SDK1: variants seen among roughly 807,000 people sequenced by gnomAD.
SDK1 encodes the protein protein sidekick-1.
SDK1 carries 157 observed loss-of-function variants against 245.5 expected under a neutral mutation model. The ratio of observed to expected loss-of-function variants is 0.64; its 90% CI spans 0.56 to 0.73. SDK1 has a LOEUF of 0.73. Among genes scored for constraint, SDK1 ranks in the 30% least tolerant of loss-of-function variants. The pLI is 0.00. For missense variants in SDK1, 3,583 were observed against 3,002.3 expected, an observed-to-expected ratio of 1.19 and a Z score of -4.52; for synonymous variants, 1,647 against 1,278.5, an observed-to-expected ratio of 1.29 and a Z score of -6.15.
At chr7:3,599,814 T>C (rs1314506483) in intron 1 of SDK1, among the ~76,000 whole-genome samples, 2 of 152,254 alleles carry the variant, frequency 1.3e-5, no homozygotes, top group Non-Finnish European at 2.9e-5. Context: ...GATCCCTCTA[T>C]GAATACCATA....
intron 4 of SDK1, among the ~76,000 whole-genome samples, chr7:3,657,376 C>G (rs1006192090): frequency 2.0e-5 from 3 of 152,150 alleles, no homozygotes; most frequent in Non-Finnish European, 4.4e-5. Context: ...AGGGAGGTAG[C>G]ATTCCCGGGT....
intron 1 of SDK1, among the ~76,000 whole-genome samples, chr7:3,306,678 T>A (rs1210998387): frequency 2.0e-5 from 3 of 152,144 alleles, no homozygotes; most frequent in Admixed American, 6.5e-5. Context: ...TGATATCAGG[T>A]AAGACTGTGT....
At chr7:3,998,874 T>C (rs1784870834) in intron 14 of SDK1, among the ~76,000 whole-genome samples, 1 of 152,212 alleles carries the variant, frequency 6.6e-6, no homozygotes, top group African/African-American at 2.4e-5. Flanking sequence ...AGCTTCCTTT[T>C]GCAAGTGTGC....
rs74835553 is a variant in SDK1 at position 3,652,179 on chromosome 7, C to T, written c.713+10074C>T. On this transcript the variant is annotated intron_variant, in intron 4 of 44. Coordinates refer to ENST00000404826, the MANE Select transcript of SDK1 (RefSeq NM_152744.4). ...ACTCTTTGGGCATTTTTCTTGTGAG[C>T]GGCTGCAGAGAAACCGCGCGTGTCT... 4.7e-4 allele frequency among the ~76,000 whole-genome samples: 72 copies of T among 152,268 alleles called. 2 individuals are homozygous for T. The East Asian group carries it at 0.011, about 22-fold the overall frequency.
At chr7:3,703,284 A>G (rs1410508132) in intron 4 of SDK1, among the ~76,000 whole-genome samples, 2 of 152,202 alleles carry the variant, frequency 1.3e-5, no homozygotes, top group Admixed American at 1.3e-4. Flanking sequence ...ACTCTGCATC[A>G]TAAAGGAGTG....
chr7:3,785,793 C>T (rs17324338), intron 4 of SDK1, among the ~76,000 whole-genome samples: 27,702 of 152,096 alleles, frequency 0.18, 3,159 homozygotes, highest in Non-Finnish European at 0.24. Context: ...TAAAAAGGTC[C>T]CAAGCATGAC....
chr7:3,458,984 T>G (rs73671830), intron 1 of SDK1, among the ~76,000 whole-genome samples: 5 of 152,292 alleles, frequency 3.3e-5, no homozygotes, highest in Admixed American at 6.5e-5. Flanking sequence ...ATGTAAAGTT[T>G]CCATGTAAAC....
chr7:3,890,078 G>A (rs1163563169), intron 5 of SDK1, among the ~76,000 whole-genome samples: 1 of 152,226 alleles, frequency 6.6e-6, no homozygotes, highest in Non-Finnish European at 1.5e-5. Context: ...GAGACCGTCT[G>A]TCCCTCATTT....
chr7:3,992,001 G>C lies in SDK1; in HGVS notation c.2131+4679G>C, dbSNP rs79669728. Among the ~76,000 whole-genome samples the C allele has an allele frequency of 3.6e-3, 547 of 152,350 alleles. 1 individual carries two copies. The highest frequency in any genetic ancestry group is 4.8e-3 in the Non-Finnish European group (328 of 68,030). On this transcript the variant is annotated intron_variant, in intron 14 of 44. Transcript: ENST00000404826. ...AAATTGCACTTGGCCTCCACTCAGC[G>C]TGTGCAAGTGGTCAGCACTAAATAG...
At chr7:3,682,954 G>C (rs1472543666) in intron 4 of SDK1, among the ~76,000 whole-genome samples, 1 of 152,034 alleles carries the variant, frequency 6.6e-6, no homozygotes, top group African/African-American at 2.4e-5. Context: ...GGCTGGTCTG[G>C]AACTCCTGAC....
chr7:3,737,630 G>A (rs914503737), intron 4 of SDK1, among the ~76,000 whole-genome samples: 14 of 152,306 alleles, frequency 9.2e-5, no homozygotes, highest in East Asian at 7.7e-4. Context: ...CACTGGCAGG[G>A]ATTTGGTGCC....
intron 1 of SDK1, among the ~76,000 whole-genome samples, chr7:3,487,992 T>C (rs1036756447): frequency 4.6e-5 from 7 of 152,206 alleles, no homozygotes; most frequent in Non-Finnish European, 8.8e-5. Flanking sequence ...TTTTGCTTAC[T>C]CCTACTTTTG....
At chr7:4,075,364 C>T (rs1195932267) in intron 20 of SDK1, among the ~76,000 whole-genome samples, 2 of 152,176 alleles carry the variant, frequency 1.3e-5, no homozygotes, top group African/African-American at 2.4e-5. Flanking sequence ...TCTCAAGATG[C>T]TGTCCTCTAA....
intron 1 of SDK1, among the ~76,000 whole-genome samples, chr7:3,412,753 T>C (rs189139061): frequency 6.6e-6 from 1 of 152,340 alleles, no homozygotes; most frequent in Non-Finnish European, 1.5e-5. Context: ...TCTTCTATGC[T>C]GCCTGCTATA....
intron 14 of SDK1, among the ~76,000 whole-genome samples, chr7:3,988,982 C>G (rs1470116420): frequency 1.3e-5 from 2 of 152,188 alleles, no homozygotes; most frequent in African/African-American, 4.8e-5. Context: ...GTCTCAAACT[C>G]CTGGCCTTGT....
chr7:3,625,063 TA>T (rs1782071938), intron 2 of SDK1, among the ~76,000 whole-genome samples: 2 of 152,036 alleles, frequency 1.3e-5, no homozygotes, highest in African/African-American at 4.8e-5. Flanking sequence ...AAATTATATA[TA>T]TATTCAAATG....
At chr7:3,391,434 C>T (rs948786202) in intron 1 of SDK1, among the ~76,000 whole-genome samples, 6 of 151,878 alleles carry the variant, frequency 4.0e-5, no homozygotes, top group African/African-American at 1.2e-4. Context: ...AGAGTTGTTT[C>T]TGGAGGTCTT....
At chr7:3,421,056 C>G (rs557511135) in intron 1 of SDK1, among the ~76,000 whole-genome samples, 52 of 145,466 alleles carry the variant, frequency 3.6e-4, no homozygotes, top group Non-Finnish European at 6.9e-4. Context: ...AAGCTTTTAT[C>G]AATTTTTTTT....
chr7:4,204,265 T>G (rs17134570), intron 35 of SDK1, among the ~76,000 whole-genome samples: 49,442 of 152,172 alleles, frequency 0.32, 8,790 homozygotes, highest in African/African-American at 0.47. Flanking sequence ...AATGTGGCTG[T>G]TAAAATTCCT....
Sources: allele counts gnomAD v4.1 joint callset (sites outside exome capture counted in the v4.1 genomes callset), GRCh38; gene constraint gnomAD v4.1.1; transcripts MANE v1.5; gene names NCBI Gene and HGNC (gene_info 2026-07-23, HGNC 2026-07-21).